Variants in INTS6 observed in about 807,000 individuals in gnomAD.
The protein encoded by INTS6 is DEAD box protein.
In INTS6, 16 loss-of-function variants were observed where a neutral mutation model predicts 104.9. That is an observed-to-expected ratio of 0.15 (90% CI 0.10 to 0.23). The LOEUF (loss-of-function observed/expected upper bound fraction) is 0.23, where lower values mean the gene tolerates loss of function less well. Ranked by LOEUF, INTS6 falls within the 10% of genes least tolerant of loss-of-function variation. INTS6 has a pLI of 1.00. For synonymous variants in INTS6, 324 were observed against 358.7 expected (o/e 0.90, Z 1.09); for missense variants, 584 against 1,062.8 (o/e 0.55, Z 6.26).
At chr13:51,387,140 A>C (rs1262126670) in intron 7 of INTS6, among the ~76,000 whole-genome samples, 2 of 152,220 alleles carry the variant, frequency 1.3e-5, no homozygotes, top group Admixed American at 6.5e-5. Context: ...GCCAAGAATA[A>C]AAATCGCAAG....
intron 15 of INTS6, among the ~76,000 whole-genome samples, chr13:51,372,303 CAG>C (rs1455726389): frequency 2.8e-5 from 4 of 142,268 alleles, no homozygotes; most frequent in Non-Finnish European, 6.1e-5. Flanking sequence ...CTTGATTGAA[CAG>C]TTTTTTTTTT....
At position 51,374,444 on chromosome 13, in the gene INTS6, A is replaced by G. The variant is rs753110978; in HGVS notation, c.1873-5T>C. 1.9e-6 allele frequency: 3 copies of G among 1,611,404 alleles called. No individual in the cohort carries two copies. The Admixed American group carries it at 5.0e-5, about 27-fold the overall frequency. ...TGCTTCATCTATCATCATACCCTTT[A>G]GCAAAAAAGAATACAACTTTCTTGA... On this transcript the variant is annotated splice_region_variant and splice_polypyrimidine_tract_variant and intron_variant, in intron 14 of 17. Coordinates refer to ENST00000311234, the MANE Select transcript of INTS6 (RefSeq NM_012141.3).
chr13:51,374,279 C>G lies in INTS6; in HGVS notation c.2033G>C (p.Gly678Ala), dbSNP rs748568293. Residue 678 changes from glycine (G) to alanine (A), a missense_variant, in exon 15 of 18, where the codon GGG (glycine) becomes GCG (alanine). Gly to Ala is a moderately conservative substitution (Grantham distance 60). Around this residue, in one of 5 missense-constraint regions of INTS6, gnomAD observed 296 missense variants for 437.0 expected, o/e 0.68. Coordinates refer to ENST00000311234, the MANE Select transcript of INTS6 (RefSeq NM_012141.3). ...TGTAGGTGCAGGTGGTCCTTTTCCC[C>G]CAATATGATTGTTTACAACAGGATT... ...QQNPVVNNHI[G>A]GKGPPAPTTQ... 6.2e-7 allele frequency: 1 copy of G among 1,614,038 alleles called. No individual in the cohort carries two copies. Among genetic ancestry groups the G allele is most frequent in the South Asian group, 1.1e-5 (1 of 91,068 alleles).
downstream of INTS6, among the ~76,000 whole-genome samples, chr13:51,357,913 G>A (rs570179736): frequency 6.6e-6 from 1 of 152,190 alleles, no homozygotes; most frequent in South Asian, 2.1e-4. Context: ...TCTCTGCTCG[G>A]TAAGAAGTAC....
rs572477050 is a variant in INTS6, at chr13:51,383,085, C to T, written c.1180+244G>A. ...GACAGAGCGAGACTCCGTCCCCTCC[C>T]TCCCCCACCCCCCCGCAAAAAAAAA... is the stretch of plus-strand genomic sequence containing the variant. On this transcript the variant is annotated intron_variant, in intron 9 of 17. Transcript: ENST00000311234. 2.0e-5 allele frequency among the ~76,000 whole-genome samples: 3 copies of T among 148,106 alleles called. No homozygotes were observed. In the South Asian group the frequency reaches 6.7e-4, roughly 33 times the overall value.
intron 15 of INTS6, among the ~76,000 whole-genome samples, chr13:51,372,480 C>T (rs772478787): frequency 6.6e-6 from 1 of 152,024 alleles, no homozygotes; most frequent in African/African-American, 2.4e-5. Flanking sequence ...CTGTTCTGAG[C>T]GTTTTTTCTT....
At chr13:51,440,703 T>A (rs1015861436) in intron 3 of INTS6, 2 of 152,192 alleles carry the variant, frequency 1.3e-5, no homozygotes, top group Non-Finnish European at 2.9e-5. Context: ...GAGCAATCAG[T>A]ACAGTTACAT....
At chr13:51,347,191 C>T in the INTS6 span, 2 of 1,613,996 alleles carry the variant, frequency 1.2e-6, no homozygotes, top group Non-Finnish European at 1.7e-6. Context: ...ATGGCCTCGT[C>T]CTTCAGGTCC....
At chr13:51,342,896 C>T in the INTS6 span, among the ~76,000 whole-genome samples, 1 of 152,166 alleles carries the variant, frequency 6.6e-6, no homozygotes, top group Non-Finnish European at 1.5e-5. Context: ...TTAAGTTAGG[C>T]TGATTCATGA....
At chr13:51,376,201 T>C in intron 12 of INTS6, 27 bp from the exon 13 acceptor site, 1 of 1,569,996 alleles carries the variant, frequency 6.4e-7, no homozygotes, top group Non-Finnish European at 8.6e-7. Flanking sequence ...GAGGACAAAA[T>C]TTATTGTCAA....
At chr13:51,346,719 G>A in the INTS6 span, among the ~76,000 whole-genome samples, 1 of 152,122 alleles carries the variant, frequency 6.6e-6, no homozygotes, top group Non-Finnish European at 1.5e-5. Context: ...CTCTGGCCCT[G>A]TGAGGTTATC....
At chr13:51,379,969 CACT>C (rs1156542973) in intron 10 of INTS6, among the ~76,000 whole-genome samples, 1 of 151,954 alleles carries the variant, frequency 6.6e-6, no homozygotes, top group Non-Finnish European at 1.5e-5. Flanking sequence ...CTCAACCACT[CACT>C]AGTTATATGA....
intron 15 of INTS6, among the ~76,000 whole-genome samples, chr13:51,372,038 C>G (rs1339496513): frequency 1.3e-5 from 2 of 152,172 alleles, no homozygotes; most frequent in African/African-American, 4.8e-5. Flanking sequence ...AGCACTGAAA[C>G]ATGCTCAAGC....
At chr13:51,383,884 G>A in intron 7 of INTS6, 143 bp from the exon 8 acceptor site, 1 of 525,578 alleles carries the variant, frequency 1.9e-6, no homozygotes, top group Admixed American at 3.6e-5. Flanking sequence ...TAAGCTGAAA[G>A]GAAACACTTG....
chr13:51,448,076 A>G (rs1952959362), intron 3 of INTS6: 2 of 152,216 alleles, frequency 1.3e-5, no homozygotes, highest in Non-Finnish European at 1.5e-5. Flanking sequence ...ATATACATAT[A>G]TATTGATGGA....
chr13:51,400,514 A>AT (rs1252218984), intron 4 of INTS6, among the ~76,000 whole-genome samples: 1 of 151,944 alleles, frequency 6.6e-6, no homozygotes, highest in Non-Finnish European at 1.5e-5. Flanking sequence ...GCAAAGATAC[A>AT]TTTTTTTTCC....
intron 2 of INTS6, chr13:51,451,455 G>GTAC (rs1287549384): frequency 5.0e-5 from 10 of 200,176 alleles, no homozygotes; most frequent in African/African-American, 2.3e-4. Context: ...GTATGTGAAG[G>GTAC]TACTAGTGGA....
chr13:51,338,949 T>C, the INTS6 span, among the ~76,000 whole-genome samples: 1 of 152,244 alleles, frequency 6.6e-6, no homozygotes. Flanking sequence ...TTGAACTTAA[T>C]ACAAGGCCTA....
In INTS6 at chr13:51,364,506, C is replaced by A. The variant is rs978386477; in HGVS notation, c.*1246G>T. On this transcript the variant is annotated 3_prime_UTR_variant, in exon 18 of 18. Transcript: ENST00000311234. ...TGACCTTCTTTTCTACTGCTTACCC[C>A]CCAAACCACTAAAAGGCACAGCAGT... 3 of 439,846 alleles carry A rather than the reference C, an allele frequency of 6.8e-6. No homozygotes were observed. The highest frequency in any genetic ancestry group is 1.2e-5 in the Non-Finnish European group (3 of 248,592). The allele number at this position is 439,846 out of a possible 1,614,324, so 27.2% of individuals were successfully genotyped here.
Sources: allele counts gnomAD v4.1 joint callset (sites outside exome capture counted in the v4.1 genomes callset), GRCh38; gene constraint gnomAD v4.1.1; regional missense constraint gnomAD v4.1.1; transcripts MANE v1.5; gene names NCBI Gene and HGNC (gene_info 2026-07-23, HGNC 2026-07-21).